The following ZNF134 variants were observed in gnomAD, a reference collection of about 807,000 sequenced individuals.
The protein encoded by ZNF134 is zinc finger protein 134 (clone pHZ-15).
ZNF134 carries 5 observed loss-of-function variants against 2.5 expected under a neutral mutation model. The observed-to-expected ratio is 2.03, with a 90% confidence interval of 1.06 to 4.27. The LOEUF (loss-of-function observed/expected upper bound fraction) is 4.27. Among genes scored for constraint, ZNF134 ranks in the 30% most tolerant of loss-of-function variants. ZNF134 has a pLI of 0.00. For synonymous variants in ZNF134, 176 were observed against 176.2 expected (o/e 1.00, Z 0.01); for missense variants, 540 against 517.5 (o/e 1.04, Z -0.42).
At chr19:57,614,986 T>C (rs1469647057) in intron 1 of ZNF134, among the ~76,000 whole-genome samples, 1 of 151,818 alleles carries the variant, frequency 6.6e-6, no homozygotes, top group Non-Finnish European at 1.5e-5. Context: ...GGGGAAGTCA[T>C]GAGATTCTGG....
chr19:57,617,529 A>G (rs1172499714), intron 1 of ZNF134, among the ~76,000 whole-genome samples: 1 of 152,154 alleles, frequency 6.6e-6, no homozygotes, highest in African/African-American at 2.4e-5. Flanking sequence ...TACCTTTCAG[A>G]GGTAATATCA....
At position 57,614,500 on chromosome 19, in the gene ZNF134, G is replaced by C. The variant is rs950967223; in HGVS notation, c.-61G>C. The C allele has an allele frequency of 2.7e-6, 1 of 375,604 alleles. No homozygotes were observed. Among genetic ancestry groups the C allele is most frequent in the African/African-American group, 2.2e-5 (1 of 46,178 alleles). The allele number at this position is 375,604 out of a possible 1,614,324, so 23.3% of individuals were successfully genotyped here. On this transcript the variant is annotated 5_prime_UTR_variant, in exon 1 of 3. Transcript: ENST00000396161. ...CGGCGGCCGCGGTGATGGGCCCGGC[G>C]CAGGTGGGTGCTGCCTTTCCCAGAC...
Position 57,621,340 on chromosome 19 carries a change from G to C in ZNF134, c.1221G>C (p.Lys407Asn), listed in dbSNP as rs1263566313. 2.5e-6 allele frequency: 4 copies of C among 1,614,106 alleles called. No homozygotes were observed. Among genetic ancestry groups the C allele is most frequent in the Admixed American group, 1.7e-5 (1 of 60,022 alleles). The change falls in exon 3 of 3, where the codon AAG becomes AAC. Residue 407 changes from lysine (K) to asparagine (N), a missense_variant. Coordinates refer to ENST00000396161, the MANE Select transcript of ZNF134 (RefSeq NM_003435.5). ...CATATGAGTGCAGTGAATGTGGGAA[G>C]GCCTACAGCTTAAGCTCCCACCTCA... ...ERPYECSECG[K>N]AYSLSSHLNR...
chr19:57,621,491 C>G lies in ZNF134; in HGVS notation c.*88C>G, dbSNP rs1485891571. On this transcript the variant is annotated 3_prime_UTR_variant, in exon 3 of 3. Coordinates refer to ENST00000396161, the MANE Select transcript of ZNF134 (RefSeq NM_003435.5). Reference sequence around the variant, plus strand: ...ACACAAAGGAGATACCTTATGGTGCCAGGTACGTGGGAACCTTCTAGGGAT... The same window carrying G: ...ACACAAAGGAGATACCTTATGGTGCGAGGTACGTGGGAACCTTCTAGGGAT... The G allele has an allele frequency of 3.8e-6, 6 of 1,586,450 alleles. No homozygotes were observed. In the African/African-American group the frequency reaches 8.0e-5, roughly 21 times the overall value.
In ZNF134 at chr19:57,620,587, G is replaced by A. The variant is rs1981179643; in HGVS notation, c.468G>A (p.Lys156=). ...GCCAACAAAAGGCCATCCACAGTAA[G>A]AGGAAGACACACAGGAGCACTGAGA... is the stretch of plus-strand genomic sequence containing the variant. ...GGCQQKAIHS[K]RKTHRSTESG... Residue 156 remains lysine (K), a synonymous_variant, in exon 3 of 3, where the codon AAG becomes AAA. Coordinates refer to ENST00000396161, the MANE Select transcript of ZNF134 (RefSeq NM_003435.5). 6.2e-7 allele frequency: 1 copy of A among 1,614,092 alleles called. No homozygotes were observed. The highest frequency in any genetic ancestry group is 8.5e-7 in the Non-Finnish European group (1 of 1,180,046).
chr19:57,619,386 T>A, intron 1 of ZNF134, 26 bp from the exon 2 acceptor site: 1 of 1,536,168 alleles, frequency 6.5e-7, no homozygotes, highest in Non-Finnish European at 8.8e-7. Context: ...CTGTTTCACC[T>A]TTCCCCTATG....
At chr19:57,620,119 C>T in intron 2 of ZNF134, 41 bp from the exon 3 acceptor site, 1 of 1,581,390 alleles carries the variant, frequency 6.3e-7, no homozygotes, top group Non-Finnish European at 8.6e-7. Context: ...CCCCACCCAC[C>T]AAAGTCAGCA....
At position 57,620,600 on chromosome 19, in the gene ZNF134, A is replaced by G. The variant is rs1331539355; in HGVS notation, c.481A>G (p.Arg161Gly). ...KAIHSKRKTH[R>G]STESGDAFHG... The stretch of plus-strand genomic sequence containing the variant: ...CATCCACAGTAAGAGGAAGACACAC[A>G]GGAGCACTGAGAGTGGGGATGCATT... Residue 161 changes from arginine to glycine, a missense_variant, in exon 3 of 3, where the codon AGG becomes GGG. Physicochemically the swap from Arg to Gly is moderately radical, Grantham distance 125 (BLOSUM62 -2). Coordinates refer to ENST00000396161, the MANE Select transcript of ZNF134 (RefSeq NM_003435.5). The G allele has an allele frequency of 6.2e-7, 1 of 1,614,260 alleles. No individual in the cohort carries two copies. The highest frequency in any genetic ancestry group is 1.3e-5 in the African/African-American group (1 of 75,076).
intron 2 of ZNF134, among the ~76,000 whole-genome samples, chr19:57,619,839 G>A (rs780065132): frequency 2.0e-5 from 3 of 152,098 alleles, no homozygotes; most frequent in Admixed American, 6.5e-5. Context: ...ACATTTTCCT[G>A]GGCCTGTACT....
At chr19:57,619,697 AC>A in intron 2 of ZNF134, 189 bp downstream of exon 2, 1 of 641,038 alleles carries the variant, frequency 1.6e-6, no homozygotes, top group Non-Finnish European at 2.7e-6. Flanking sequence ...CCCATTCTCT[AC>A]CAGAGGGGCT....
chr19:57,616,758 T>A (rs1915570662), intron 1 of ZNF134, among the ~76,000 whole-genome samples: 4 of 152,228 alleles, frequency 2.6e-5, no homozygotes, highest in Admixed American at 2.6e-4. Context: ...CTTGTGAGGT[T>A]GCCATGGTGG....
chr19:57,616,084 T>C (rs1449023323), intron 1 of ZNF134, among the ~76,000 whole-genome samples: 1 of 152,172 alleles, frequency 6.6e-6, no homozygotes, highest in African/African-American at 2.4e-5. Context: ...CAGCATGCCT[T>C]CATGGGCGCT....
At position 57,620,189 on chromosome 19, in the gene ZNF134, T is replaced by A. The variant is rs770073493; in HGVS notation, c.70T>A (p.Ser24Thr). 6.2e-7 allele frequency: 1 copy of A among 1,613,626 alleles called. No homozygotes were observed. The highest frequency in any genetic ancestry group is 2.2e-5 in the East Asian group (1 of 44,864). ...GCWHEVKDEE[S>T]SSEQSISIAV... ...TTGGCATGAAGTGAAGGATGAAGAGTCATCTTCTGAACAGAGCATTTCTAT... is the reference window on the plus strand; with the variant it reads ...TTGGCATGAAGTGAAGGATGAAGAGACATCTTCTGAACAGAGCATTTCTAT... Residue 24 changes from serine (S) to threonine (T), a missense_variant, in exon 3 of 3, where the codon TCA becomes ACA. Transcript: ENST00000396161.
Position 57,621,182 on chromosome 19 carries a change from C to G in ZNF134, c.1063C>G (p.Arg355Gly). 1 of 1,614,142 alleles carries G rather than the reference C, an allele frequency of 6.2e-7. No homozygotes were observed. Among genetic ancestry groups the G allele is most frequent in the Non-Finnish European group, 8.5e-7 (1 of 1,180,026 alleles). Residue 355 changes from arginine (R) to glycine (G), a missense_variant, in exon 3 of 3, where the codon CGA becomes GGA. Coordinates refer to ENST00000396161, the MANE Select transcript of ZNF134 (RefSeq NM_003435.5). The stretch of plus-strand genomic sequence containing the variant: ...CATTGAATGCGGGAAATTCTTTAGT[C>G]GAAGTTCTGACTATATTGCACACCA... ...ECIECGKFFS[R>G]SSDYIAHQRV...
chr19:57,621,485 T>C lies in ZNF134; in HGVS notation c.*82T>C. The C allele has an allele frequency of 2.5e-6, 4 of 1,591,992 alleles. No homozygotes were observed. The highest frequency in any genetic ancestry group is 1.1e-5 in the South Asian group (1 of 90,754). ...ACATTGACACAAAGGAGATACCTTATGGTGCCAGGTACGTGGGAACCTTCT... is the reference window on the plus strand; with the variant it reads ...ACATTGACACAAAGGAGATACCTTACGGTGCCAGGTACGTGGGAACCTTCT... On this transcript the variant is annotated 3_prime_UTR_variant, in exon 3 of 3. Coordinates refer to ENST00000396161, the MANE Select transcript of ZNF134 (RefSeq NM_003435.5).
intron 1 of ZNF134, among the ~76,000 whole-genome samples, 166 bp downstream of exon 1, chr19:57,614,669 G>A (rs1021667080): frequency 6.6e-6 from 1 of 152,196 alleles, no homozygotes; most frequent in Admixed American, 6.5e-5. Flanking sequence ...GCATAGGTTT[G>A]GAGCTGGACT....
rs1418639450 is a variant in ZNF134, at chr19:57,620,402, C to G, written c.283C>G (p.Gln95Glu). ...ATTCTGGTTCAGTGCAAACCTTCAT[C>G]AGTACCAGAAGTGTTACAGTATAGA... ...RQFWFSANLHQYQKCYSIEQP... is the reference protein window; with the variant it reads ...RQFWFSANLHEYQKCYSIEQP... The change falls in exon 3 of 3, where the codon CAG becomes GAG. Residue 95 changes from glutamine to glutamate, a missense_variant. Coordinates refer to ENST00000396161, the MANE Select transcript of ZNF134 (RefSeq NM_003435.5). The G allele has an allele frequency of 6.2e-7, 1 of 1,614,226 alleles. No homozygotes were observed. The highest frequency in any genetic ancestry group is 1.1e-5 in the South Asian group (1 of 91,086).
intron 2 of ZNF134, 135 bp downstream of exon 2, chr19:57,619,643 C>G (rs1434041378): frequency 1.0e-6 from 1 of 1,003,818 alleles, no homozygotes; most frequent in Non-Finnish European, 1.4e-6. Flanking sequence ...ATTCTGTACA[C>G]TCTTGTCATT....
chr19:57,615,836 G>A (rs987487323), intron 1 of ZNF134, among the ~76,000 whole-genome samples: 1 of 152,210 alleles, frequency 6.6e-6, no homozygotes, highest in Non-Finnish European at 1.5e-5. Context: ...GGGAACAGAT[G>A]TGAATTATTG....
Sources: allele counts gnomAD v4.1 joint callset (sites outside exome capture counted in the v4.1 genomes callset), GRCh38; gene constraint gnomAD v4.1.1; transcripts MANE v1.5; gene names NCBI Gene and HGNC (gene_info 2026-07-23, HGNC 2026-07-21).